STK32B: variants seen among roughly 807,000 people sequenced by gnomAD.
STK32B encodes the protein serine/threonine kinase 32B, also known as serine/threonine-protein kinase 32B.
STK32B carries 43 observed loss-of-function variants against 52.6 expected under a neutral mutation model. The ratio of observed to expected loss-of-function variants is 0.82; its 90% CI spans 0.64 to 1.05. The LOEUF is 1.05. Among genes scored for constraint, STK32B ranks in the 50% least tolerant of loss-of-function variants. The probability of loss-of-function intolerance (pLI) is 0.00; values close to 1 mark genes in which losing one functional copy is unlikely to be tolerated. For missense variants in STK32B, 621 were observed against 534.6 expected, an observed-to-expected ratio of 1.16 and a Z score of -1.59; for synonymous variants, 238 against 204.3, an observed-to-expected ratio of 1.17 and a Z score of -1.41.
Position 5,400,047 on chromosome 4 carries a change from T to C in STK32B, c.472+1803T>C, listed in dbSNP as rs1737189651. On this transcript the variant is annotated intron_variant, in intron 5 of 11. Coordinates refer to ENST00000282908, the MANE Select transcript of STK32B (RefSeq NM_018401.3). This position sits in a 1 kb window ranked among gnomAD's most constrained non-coding sequence, Gnocchi z 6.1. ...GAGACTTCCTGGCCCTGCAAAGCGG[T>C]CCAGAAGCAAAATTCAGACAGAAAC... Among the ~76,000 whole-genome samples the C allele has an allele frequency of 6.6e-6, 1 of 152,080 alleles. No individual in the cohort carries two copies. The highest frequency in any genetic ancestry group is 2.1e-4 in the South Asian group (1 of 4,818).
At chr4:5,384,400 G>T (rs1187205458) in intron 4 of STK32B, among the ~76,000 whole-genome samples, 5 of 152,118 alleles carry the variant, frequency 3.3e-5, no homozygotes, top group African/African-American at 1.2e-4. Context: ...GAGACTTGGG[G>T]AGTAAAAGGT....
chr4:5,051,795 C>A lies in STK32B; in HGVS notation c.-69C>A. 6.5e-7 allele frequency: 1 copy of A among 1,549,034 alleles called. No homozygotes were observed. Among genetic ancestry groups the A allele is most frequent in the South Asian group, 1.2e-5 (1 of 83,562 alleles). ...GCGCCCCCGGCATCCCGCATCTCTG[C>A]GCGCGTCCCACATCCCGCATCCGGC... On this transcript the variant is annotated 5_prime_UTR_variant, in exon 1 of 12. Coordinates refer to ENST00000282908, the MANE Select transcript of STK32B (RefSeq NM_018401.3).
At chr4:5,077,782 A>G (rs1301319850) in intron 1 of STK32B, among the ~76,000 whole-genome samples, 1 of 152,158 alleles carries the variant, frequency 6.6e-6, no homozygotes, top group Non-Finnish European at 1.5e-5. Context: ...GCCCTGGAGA[A>G]TCCCAAACAT....
rs990894650 is a variant in STK32B, at chr4:5,108,824, A to C, written c.53-31081A>C. 4.6e-5 allele frequency among the ~76,000 whole-genome samples: 7 copies of C among 152,212 alleles called. No homozygotes were observed. In the South Asian group the frequency reaches 1.0e-3, roughly 23 times the overall value. On this transcript the variant is annotated intron_variant, in intron 1 of 11. Coordinates refer to ENST00000282908, the MANE Select transcript of STK32B (RefSeq NM_018401.3). ...AGTAGGCTCTTTTTTTACCCTCTAAAATCACAAGTAGAAATCATGAGCAAA... is the reference window on the plus strand; with the variant it reads ...AGTAGGCTCTTTTTTTACCCTCTAACATCACAAGTAGAAATCATGAGCAAA...
Position 5,378,311 on chromosome 4 carries a change from T to C in STK32B, c.435-19896T>C, listed in dbSNP as rs958448854. 6.6e-6 allele frequency among the ~76,000 whole-genome samples: 1 copy of C among 152,074 alleles called. No individual in the cohort carries two copies. Among genetic ancestry groups the C allele is most frequent in the Non-Finnish European group, 1.5e-5 (1 of 67,994 alleles). On this transcript the variant is annotated intron_variant, in intron 4 of 11. Coordinates refer to ENST00000282908, the MANE Select transcript of STK32B (RefSeq NM_018401.3). This position sits in a 1 kb window ranked among gnomAD's most constrained non-coding sequence, Gnocchi z 4.4. ...AGTCCATGGTAACGGTTTTCACACT[T>C]GAGGCTGCAGATCCATCACTTGGAT...
rs1560186431 is a variant in STK32B at position 5,159,710 on chromosome 4, T to TATATGA, written c.109-8585_109-8584insGAATAT. 3.9e-5 allele frequency among the ~76,000 whole-genome samples: 4 copies of TATATGA among 102,972 alleles called. 1 individual carries two copies. Among genetic ancestry groups the TATATGA allele is most frequent in the African/African-American group, 2.5e-4 (4 of 16,206 alleles). The allele number at this position is 102,972 out of a possible 152,430, so 67.6% of individuals were successfully genotyped here. ...GAATATATATGAATATATATGAATATATATATGAATGTATATGAATATATA... is the reference window on the plus strand; with the variant it reads ...GAATATATATGAATATATATGAATATATATGAATATATGAATGTATATGAATATATA... On this transcript the variant is annotated intron_variant, in intron 2 of 11. Transcript: ENST00000282908.
chr4:5,152,640 A>G (rs138786483), intron 2 of STK32B, among the ~76,000 whole-genome samples: 1 of 152,356 alleles, frequency 6.6e-6, no homozygotes, highest in Non-Finnish European at 1.5e-5. Context: ...TGAAAAGCTA[A>G]TGCGTGGATA....
intron 1 of STK32B, among the ~76,000 whole-genome samples, chr4:5,081,690 T>A (rs2108775924): frequency 6.6e-6 from 1 of 152,316 alleles, no homozygotes; most frequent in Non-Finnish European, 1.5e-5. Flanking sequence ...GTTTTTCATT[T>A]CGTTCATCAT....
At chr4:5,176,746 A>G (rs1308586448) in intron 3 of STK32B, among the ~76,000 whole-genome samples, 2 of 152,156 alleles carry the variant, frequency 1.3e-5, no homozygotes, top group Non-Finnish European at 2.9e-5. Flanking sequence ...GCCCAGCCTT[A>G]GGCACCATTT....
chr4:5,432,737 T>G (rs546566955), intron 6 of STK32B, among the ~76,000 whole-genome samples: 1 of 152,314 alleles, frequency 6.6e-6, no homozygotes, highest in South Asian at 2.1e-4. Context: ...TGAACTTCAT[T>G]CATAGTAAAT....
intron 5 of STK32B, among the ~76,000 whole-genome samples, chr4:5,403,962 A>C (rs1315098672): frequency 1.3e-5 from 2 of 151,584 alleles, no homozygotes; most frequent in East Asian, 3.9e-4. Context: ...ATAGTAATGC[A>C]CTTTAAAGCT....
upstream of STK32B, among the ~76,000 whole-genome samples, chr4:5,046,895 G>A (rs1741628713): frequency 6.6e-6 from 1 of 152,328 alleles, no homozygotes; most frequent in East Asian, 1.9e-4. Flanking sequence ...TGGTGAGAAT[G>A]TAAATTAGTT....
intron 3 of STK32B, among the ~76,000 whole-genome samples, chr4:5,174,693 C>G (rs1038981311): frequency 4.6e-5 from 7 of 152,198 alleles, no homozygotes; most frequent in Admixed American, 4.6e-4. Context: ...ATGGGCTTCC[C>G]TTTGTGGGTA....
chr4:5,158,498 C>T (rs994748798), intron 2 of STK32B, among the ~76,000 whole-genome samples: 8 of 152,126 alleles, frequency 5.3e-5, no homozygotes, highest in African/African-American at 1.9e-4. Context: ...TATTCCTTTC[C>T]TTATTCATTC....
At chr4:5,028,769 AC>A in the STK32B span, among the ~76,000 whole-genome samples, 17,142 of 152,260 alleles carry the variant, frequency 0.11, 1,135 homozygotes, top group Middle Eastern at 0.21. Flanking sequence ...GCAGAATTCT[AC>A]AATGACCCCT....
intron 4 of STK32B, among the ~76,000 whole-genome samples, chr4:5,366,472 A>G (rs1256902125): frequency 1.3e-5 from 2 of 152,098 alleles, no homozygotes; most frequent in Middle Eastern, 3.2e-3. Context: ...CTGGATACTC[A>G]TTTTTTTCCG....
chr4:5,294,430 G>A (rs1363871658), intron 3 of STK32B, among the ~76,000 whole-genome samples: 2 of 152,016 alleles, frequency 1.3e-5, no homozygotes, highest in African/African-American at 4.8e-5. Context: ...CCATTTGTTT[G>A]TGTCCTCTCT....
chr4:5,213,050 G>A (rs760368342), intron 3 of STK32B, among the ~76,000 whole-genome samples: 5 of 152,128 alleles, frequency 3.3e-5, no homozygotes, highest in Non-Finnish European at 5.9e-5. Context: ...TAATATATAC[G>A]TACATATAGA....
chr4:5,219,750 A>G (rs538747107), intron 3 of STK32B, among the ~76,000 whole-genome samples: 1 of 152,206 alleles, frequency 6.6e-6, no homozygotes, highest in South Asian at 2.1e-4. Context: ...ACCCCAGCTC[A>G]CTACTCCACT....
Sources: gnomAD v4.1 joint callset for allele counts (sites outside exome capture counted in the v4.1 genomes callset) on GRCh38, gnomAD v4.1.1 for gene constraint, Gnocchi (gnomAD v3.1) non-coding constraint, MANE v1.5 for transcripts, NCBI Gene and HGNC (gene_info 2026-07-23, HGNC 2026-07-21) for gene names.